Variants in ZFHX3 observed in about 807,000 individuals in gnomAD.
ZFHX3 encodes zinc finger homeobox protein 3.
ZFHX3 carries 42 observed loss-of-function variants against 279.1 expected under a neutral mutation model. The observed-to-expected ratio is 0.15, with a 90% CI of 0.12 to 0.19. The LOEUF (loss-of-function observed/expected upper bound fraction) is 0.19, where lower values mean the gene tolerates loss of function less well. ZFHX3 is among the 10% of genes least tolerant of loss of function. ZFHX3 has a pLI of 1.00. For missense variants in ZFHX3, 4,981 were observed against 4,754.0 expected (o/e 1.05, Z -1.40); for synonymous variants, 2,293 against 1,957.8 (o/e 1.17, Z -4.52).
chr16:73,749,540 T>C (rs781454334), intron 1 of ZFHX3, among the ~76,000 whole-genome samples: 17 of 152,202 alleles, frequency 1.1e-4, no homozygotes, highest in Admixed American at 2.6e-4. Flanking sequence ...TATTTTTTTG[T>C]TATTATGAAG....
chr16:73,039,795 G>C (rs1485774898), intron 1 of ZFHX3, among the ~76,000 whole-genome samples: 1 of 152,108 alleles, frequency 6.6e-6, no homozygotes, highest in Non-Finnish European at 1.5e-5. Flanking sequence ...GCCTACCAAA[G>C]TGCTGGGATT....
At chr16:73,310,059 C>A (rs2015289311) in intron 4 of ZFHX3, among the ~76,000 whole-genome samples, 1 of 152,004 alleles carries the variant, frequency 6.6e-6, no homozygotes, top group Admixed American at 6.5e-5. Flanking sequence ...CAGGTGCCCA[C>A]CACCACGCCT....
At chr16:73,117,214 C>T (rs1211517409) in intron 7 of ZFHX3, among the ~76,000 whole-genome samples, 1 of 152,102 alleles carries the variant, frequency 6.6e-6, no homozygotes, top group African/African-American at 2.4e-5. Context: ...CTTCTTCCCT[C>T]CTTCCCTTCT....
At chr16:73,393,967 T>C (rs1000336225) in intron 3 of ZFHX3, among the ~76,000 whole-genome samples, 1 of 148,076 alleles carries the variant, frequency 6.8e-6, no homozygotes, top group Non-Finnish European at 1.5e-5. Context: ...TTATAAAGTA[T>C]ATATATCATA....
intron 1 of ZFHX3, among the ~76,000 whole-genome samples, chr16:73,798,959 G>T (rs531686541): frequency 8.5e-4 from 129 of 152,280 alleles, no homozygotes; most frequent in Middle Eastern, 3.4e-3. Flanking sequence ...ATCAGAAACA[G>T]ACTCCTAGAA....
At chr16:73,608,504 T>C (rs1320566000) in intron 2 of ZFHX3, among the ~76,000 whole-genome samples, 5 of 152,212 alleles carry the variant, frequency 3.3e-5, no homozygotes, top group Non-Finnish European at 7.4e-5. Context: ...TATTGAAAAG[T>C]ACAAAACAAT....
chr16:73,762,150 A>C (rs1026434567), intron 1 of ZFHX3, among the ~76,000 whole-genome samples: 1 of 152,016 alleles, frequency 6.6e-6, no homozygotes, highest in Non-Finnish European at 1.5e-5. Flanking sequence ...AAAAAAAACA[A>C]CACCATTAAA....
chr16:73,384,183 C>T (rs550886873), intron 3 of ZFHX3, among the ~76,000 whole-genome samples: 1 of 152,278 alleles, frequency 6.6e-6, no homozygotes, highest in East Asian at 1.9e-4. Context: ...TGGCCTGCAC[C>T]CTGTTTTTAT....
intron 2 of ZFHX3, among the ~76,000 whole-genome samples, chr16:73,528,392 A>T (rs1334882338): frequency 1.3e-5 from 2 of 152,232 alleles, no homozygotes; most frequent in African/African-American, 4.8e-5. Flanking sequence ...CATTTCTCCA[A>T]CCATCCATCC....
chr16:72,929,540 T>C lies in ZFHX3; in HGVS notation c.3216+20929A>G, dbSNP rs538936635. Among the ~76,000 whole-genome samples, 209 of 152,312 alleles carry C rather than the reference T, an allele frequency of 1.4e-3. 1 individual carries two copies. Among genetic ancestry groups the C allele is most frequent in the African/African-American group, 4.6e-3 (190 of 41,558 alleles). On this transcript the variant is annotated intron_variant, in intron 3 of 9. Coordinates refer to ENST00000268489, the MANE Select transcript of ZFHX3 (RefSeq NM_006885.4). ...ACACAAATGGTAGAAATAAGACTATTTGGCAAAGCTTACAGGTCATCATCA... is the reference window on the plus strand; with the variant it reads ...ACACAAATGGTAGAAATAAGACTATCTGGCAAAGCTTACAGGTCATCATCA...
chr16:72,919,160 C>CTT lies in ZFHX3; in HGVS notation c.3217-29200_3217-29199dup, dbSNP rs544032775. 9.8e-3 allele frequency among the ~76,000 whole-genome samples: 1,394 copies of CTT among 142,682 alleles called. 37 individuals carry two copies. Among genetic ancestry groups the CTT allele is most frequent in the East Asian group, 0.037 (179 of 4,812 alleles). The allele number at this position is 142,682 out of a possible 152,430, so 93.6% of individuals were successfully genotyped here. On this transcript the variant is annotated intron_variant, in intron 3 of 9. Coordinates refer to ENST00000268489, the MANE Select transcript of ZFHX3 (RefSeq NM_006885.4). ...GCAGGACCTCAGCTCAGATTCTGTA[C>CTT]TTTTTTTTTTTTTAGAGACAGGGTC...
In ZFHX3 at chr16:73,404,220, T is replaced by G. The variant is rs149047592; in HGVS notation, c.-1291+51783A>C. On this transcript the variant is annotated intron_variant, in intron 3 of 17. Transcript: ENST00000641206. ...CCCCTCAACCCACTTAGCTCAGTCC[T>G]GGACAAGGCTGGACTGTAGCCTCTG... is the stretch of plus-strand genomic sequence containing the variant. Among the ~76,000 whole-genome samples the G allele has an allele frequency of 2.5e-3, 378 of 152,208 alleles. 1 individual carries two copies. The highest frequency in any genetic ancestry group is 8.7e-3 in the African/African-American group (362 of 41,540).
intron 1 of ZFHX3, among the ~76,000 whole-genome samples, chr16:73,724,517 T>C (rs2053501923): frequency 6.6e-6 from 1 of 152,226 alleles, no homozygotes; most frequent in African/African-American, 2.4e-5. Context: ...CAGTGGGCTG[T>C]CTGGCCTAAC....
rs568202056 is a variant in ZFHX3 at position 73,018,700 on chromosome 16, T to TA, written c.-50+29051dup. The stretch of plus-strand genomic sequence containing the variant: ...CCCCAGGCTTGGCTGTGTGTTATCA[T>TA]ACTCTCTTCACTCTGAGAATCTGAA... On this transcript the variant is annotated intron_variant, in intron 1 of 9. Transcript: ENST00000268489. Among the ~76,000 whole-genome samples, 800 of 152,350 alleles carry TA rather than the reference T, an allele frequency of 5.3e-3. 9 individuals are homozygous for TA. Among genetic ancestry groups the TA allele is most frequent in the African/African-American group, 0.019 (772 of 41,588 alleles).
At chr16:73,148,225 T>C (rs1966876555) in intron 5 of ZFHX3, among the ~76,000 whole-genome samples, 2 of 152,252 alleles carry the variant, frequency 1.3e-5, no homozygotes, top group African/African-American at 4.8e-5. Context: ...ATTTACCATT[T>C]GGCCCTTTAT....
chr16:72,940,699 A>G (rs1289374824), intron 3 of ZFHX3, among the ~76,000 whole-genome samples: 1 of 152,266 alleles, frequency 6.6e-6, no homozygotes, highest in Non-Finnish European at 1.5e-5. Flanking sequence ...CGGCCCTGCC[A>G]AGGCAATGTG....
chr16:73,761,266 T>A (rs1190062552), intron 1 of ZFHX3, among the ~76,000 whole-genome samples: 1 of 152,032 alleles, frequency 6.6e-6, no homozygotes, highest in Admixed American at 6.6e-5. Flanking sequence ...TACATAGGAA[T>A]ACAGCTAACA....
intron 3 of ZFHX3, among the ~76,000 whole-genome samples, chr16:73,396,575 A>G (rs899275580): frequency 2.0e-5 from 3 of 152,210 alleles, no homozygotes; most frequent in African/African-American, 7.2e-5. Flanking sequence ...ACTTACAATC[A>G]TGGCAGAAGG....
chr16:73,517,907 C>A (rs894099529), intron 2 of ZFHX3, among the ~76,000 whole-genome samples: 4 of 152,110 alleles, frequency 2.6e-5, no homozygotes, highest in Admixed American at 6.6e-5. Flanking sequence ...CATTAAAAAA[C>A]ATAAAAAAAT....
Sources: gnomAD v4.1 joint callset for allele counts (sites outside exome capture counted in the v4.1 genomes callset) on GRCh38, gnomAD v4.1.1 for gene constraint, MANE v1.5 for transcripts, NCBI Gene and HGNC (gene_info 2026-07-23, HGNC 2026-07-21) for gene names.